The following GPC5 variants were observed in gnomAD, a reference collection of about 807,000 sequenced individuals.
GPC5 encodes the protein glypican 5, also known as glypican-5.
GPC5 carries 47 observed loss-of-function variants against 53.9 expected under a neutral mutation model. The ratio of observed to expected loss-of-function variants is 0.87; its 90% CI spans 0.69 to 1.11. The LOEUF is 1.11. GPC5 is among the 50% of genes most tolerant of loss of function. The pLI, the probability that GPC5 is intolerant of heterozygous loss-of-function variation, is 0.00. For missense variants in GPC5, 748 were observed against 713.1 expected (o/e 1.05, Z -0.56); for synonymous variants, 286 against 263.3 (o/e 1.09, Z -0.84).
At chr13:91,415,362 G>A (rs189805228) in intron 1 of GPC5, among the ~76,000 whole-genome samples, 27 of 152,218 alleles carry the variant, frequency 1.8e-4, no homozygotes, top group African/African-American at 5.8e-4. Flanking sequence ...CGTGATGTTC[G>A]TGCTGTTTGC....
chr13:92,210,062 C>T (rs1270775058), intron 7 of GPC5, among the ~76,000 whole-genome samples: 1 of 152,044 alleles, frequency 6.6e-6, no homozygotes, highest in African/African-American at 2.4e-5. Flanking sequence ...TTGTGCCCAC[C>T]CAGATTGAGG....
intron 7 of GPC5, among the ~76,000 whole-genome samples, chr13:92,293,828 T>C (rs1345092904): frequency 6.6e-6 from 1 of 152,210 alleles, no homozygotes; most frequent in African/African-American, 2.4e-5. Flanking sequence ...GCTCTGGGTT[T>C]GTCATGGATG....
intron 7 of GPC5, among the ~76,000 whole-genome samples, chr13:92,393,526 G>A (rs900635093): frequency 6.6e-6 from 1 of 152,152 alleles, no homozygotes; most frequent in African/African-American, 2.4e-5. Context: ...GTTCACTCCT[G>A]TAATCCCAGC....
chr13:92,487,078 A>C (rs1031410066), intron 7 of GPC5, among the ~76,000 whole-genome samples: 1 of 151,892 alleles, frequency 6.6e-6, no homozygotes, highest in African/African-American at 2.4e-5. Flanking sequence ...CTGGTCTCGA[A>C]CTCCTGACCT....
chr13:91,508,132 T>C (rs554099675), intron 2 of GPC5, among the ~76,000 whole-genome samples: 1 of 152,228 alleles, frequency 6.6e-6, no homozygotes, highest in South Asian at 2.1e-4. Flanking sequence ...ATACCTAATG[T>C]TTTCAAAATG....
rs2138860452 is a variant in GPC5, at chr13:92,866,541, T to G, written c.*102T>G. On this transcript the variant is annotated 3_prime_UTR_variant, in exon 8 of 8. Coordinates refer to ENST00000377067, the MANE Select transcript of GPC5 (RefSeq NM_004466.6). ...CCTTTTTCAATGTAACAATTATATTTATGAAAAGATATGTTACACTAACTT... is the reference window on the plus strand; with the variant it reads ...CCTTTTTCAATGTAACAATTATATTGATGAAAAGATATGTTACACTAACTT... 1 of 968,212 alleles carries G rather than the reference T, an allele frequency of 1.0e-6. No homozygotes were observed. Among genetic ancestry groups the G allele is most frequent in the Middle Eastern group, 2.4e-4 (1 of 4,100 alleles). The allele number at this position is 968,212 out of a possible 1,614,324, so 60.0% of individuals were successfully genotyped here.
intron 6 of GPC5, among the ~76,000 whole-genome samples, chr13:92,103,410 T>C (rs2041482193): frequency 6.6e-6 from 1 of 152,206 alleles, no homozygotes; most frequent in Non-Finnish European, 1.5e-5. Flanking sequence ...GAAGCATATA[T>C]ACATGGTATT....
intron 2 of GPC5, among the ~76,000 whole-genome samples, chr13:91,467,207 G>A (rs1431641319): frequency 6.6e-6 from 1 of 152,180 alleles, no homozygotes; most frequent in Non-Finnish European, 1.5e-5. Context: ...TCACAGAGAA[G>A]ACATCTGATT....
intron 7 of GPC5, among the ~76,000 whole-genome samples, chr13:92,741,825 G>A (rs1889104563): frequency 1.3e-5 from 2 of 152,092 alleles, no homozygotes; most frequent in African/African-American, 4.8e-5. Flanking sequence ...CTATGAGTAA[G>A]AACACGCGGT....
At chr13:92,202,906 C>T (rs1761962545) in intron 7 of GPC5, among the ~76,000 whole-genome samples, 1 of 152,076 alleles carries the variant, frequency 6.6e-6, no homozygotes, top group African/African-American at 2.4e-5. Context: ...ATCATGTCAA[C>T]TTTTCAAGAG....
rs2042102996 is a variant in GPC5 at position 92,175,471 on chromosome 13, A to T, written c.1561+30482A>T. ...AAGAACATTTGAATAGGAGGTTATG[A>T]TGACATCACTGTGATGCCTACTGCT... is the stretch of plus-strand genomic sequence containing the variant. On this transcript the variant is annotated intron_variant, in intron 7 of 7. Transcript: ENST00000377067. Among the ~76,000 whole-genome samples, 3 of 152,218 alleles carry T rather than the reference A, an allele frequency of 2.0e-5. No homozygotes were observed. The South Asian group carries it at 6.2e-4, about 32-fold the overall frequency.
chr13:92,548,041 G>A (rs866875106), intron 7 of GPC5, among the ~76,000 whole-genome samples: 4 of 146,350 alleles, frequency 2.7e-5, no homozygotes, highest in African/African-American at 1.0e-4. Context: ...GGGTTTCACC[G>A]TGTTAGCCAG....
intron 2 of GPC5, among the ~76,000 whole-genome samples, chr13:91,559,855 G>A (rs997678578): frequency 2.2e-4 from 34 of 152,090 alleles, no homozygotes; most frequent in African/African-American, 8.0e-4. Flanking sequence ...GCATACTCCA[G>A]GGTAACAGGT....
chr13:92,671,259 T>C (rs1177997982), intron 7 of GPC5, among the ~76,000 whole-genome samples: 6 of 152,150 alleles, frequency 3.9e-5, no homozygotes, highest in Admixed American at 6.6e-5. Flanking sequence ...AGGGAAGGCC[T>C]TGTAATCCAT....
At chr13:92,115,698 C>T (rs149962157) in intron 6 of GPC5, among the ~76,000 whole-genome samples, 55 of 152,244 alleles carry the variant, frequency 3.6e-4, no homozygotes, top group African/African-American at 1.1e-3. Flanking sequence ...GGTAGATCCA[C>T]GTTGTTGTGT....
At chr13:92,208,597 A>G (rs2042353564) in intron 7 of GPC5, among the ~76,000 whole-genome samples, 1 of 152,232 alleles carries the variant, frequency 6.6e-6, no homozygotes, top group Non-Finnish European at 1.5e-5. Context: ...ATATGCAAAA[A>G]CTAAAGAAAA....
At chr13:92,029,944 G>A (rs1297228245) in intron 6 of GPC5, among the ~76,000 whole-genome samples, 3 of 152,052 alleles carry the variant, frequency 2.0e-5, no homozygotes, top group East Asian at 3.9e-4. Context: ...CTTACCGAAG[G>A]AAACTGAAAG....
At chr13:91,435,954 G>T (rs1879907844) in intron 1 of GPC5, among the ~76,000 whole-genome samples, 1 of 152,162 alleles carries the variant, frequency 6.6e-6, no homozygotes, top group Admixed American at 6.6e-5. Context: ...ATTTCTTCTA[G>T]ATTTTCTAGT....
At chr13:92,552,102 T>C (rs1159980009) in intron 7 of GPC5, among the ~76,000 whole-genome samples, 1 of 151,954 alleles carries the variant, frequency 6.6e-6, no homozygotes. Flanking sequence ...TTTTTAACTT[T>C]GAGAATTTGG....
Sources: gnomAD v4.1 joint callset for allele counts (sites outside exome capture counted in the v4.1 genomes callset) on GRCh38, gnomAD v4.1.1 for gene constraint, MANE v1.5 for transcripts, NCBI Gene and HGNC (gene_info 2026-07-23, HGNC 2026-07-21) for gene names.